The following NRXN1 variants were observed in gnomAD, a reference collection of about 807,000 sequenced individuals.
NRXN1 encodes neurexin-1.
In NRXN1, 39 loss-of-function variants were observed where a neutral mutation model predicts 150.9. The ratio of observed to expected loss-of-function variants is 0.26; its 90% CI spans 0.20 to 0.34. The LOEUF (loss-of-function observed/expected upper bound fraction) is 0.34, where lower values mean the gene tolerates loss of function less well. NRXN1 is among the 10% of genes least tolerant of loss of function. The probability of loss-of-function intolerance (pLI) is 1.00; values close to 1 mark genes in which losing one functional copy is unlikely to be tolerated. For synonymous variants in NRXN1, 924 were observed against 757.0 expected (o/e 1.22, Z -3.62); for missense variants, 1,815 against 1,949.9 (o/e 0.93, Z 1.30).
intron 5 of NRXN1, among the ~76,000 whole-genome samples, chr2:50,782,212 A>AGG (rs1471775127): frequency 2.6e-5 from 4 of 152,028 alleles, no homozygotes; most frequent in South Asian, 2.1e-4. Flanking sequence ...TTTTAAAAAA[A>AGG]GGATGATACA....
chr2:50,350,376 G>A (rs975760828), intron 17 of NRXN1, among the ~76,000 whole-genome samples: 5 of 152,074 alleles, frequency 3.3e-5, no homozygotes, highest in Non-Finnish European at 4.4e-5. Context: ...AGTCACCAAC[G>A]TAAAACACAA....
At chr2:50,316,670 G>C (rs1223939098) in intron 17 of NRXN1, among the ~76,000 whole-genome samples, 1 of 152,044 alleles carries the variant, frequency 6.6e-6, no homozygotes, top group Non-Finnish European at 1.5e-5. Flanking sequence ...AAATCTGCTG[G>C]AGATAGTAAG....
chr2:50,712,451 T>A (rs1181080389), intron 5 of NRXN1, among the ~76,000 whole-genome samples: 2 of 152,218 alleles, frequency 1.3e-5, no homozygotes, highest in African/African-American at 2.4e-5. Context: ...GCTCAGACTC[T>A]TGCCCAGTGG....
intron 17 of NRXN1, among the ~76,000 whole-genome samples, chr2:50,350,283 A>C (rs191851081): frequency 4.3e-4 from 65 of 152,218 alleles, no homozygotes; most frequent in African/African-American, 1.5e-3. Context: ...TATTTTCTCC[A>C]TAAGGCACAT....
intron 21 of NRXN1, among the ~76,000 whole-genome samples, chr2:49,968,323 TTAATGAA>T (rs1677315863): frequency 6.6e-6 from 1 of 152,132 alleles, no homozygotes; most frequent in South Asian, 2.1e-4. Context: ...ATGGCTAATT[TTAATGAA>T]TAAAGAGAAT....
intron 17 of NRXN1, among the ~76,000 whole-genome samples, chr2:50,373,705 AAGAAAG>A (rs2080271575): frequency 2.0e-4 from 27 of 137,882 alleles, no homozygotes; most frequent in East Asian, 2.6e-4. Context: ...GAAAGAAAGA[AAGAAAG>A]AGAAAGAAAG....
chr2:50,433,563 A>ATT (rs11383115), intron 17 of NRXN1, among the ~76,000 whole-genome samples: 2,428 of 144,564 alleles, frequency 0.017, 62 homozygotes, highest in African/African-American at 0.055. Context: ...GGAGGTAATA[A>ATT]TTTTTTTTTT....
chr2:50,914,467 G>T (rs1197235223), intron 5 of NRXN1, among the ~76,000 whole-genome samples: 1 of 151,610 alleles, frequency 6.6e-6, no homozygotes, highest in Non-Finnish European at 1.5e-5. Flanking sequence ...TAGACACAGA[G>T]ACATGCAAAG....
chr2:50,837,980 T>C (rs190723694), intron 5 of NRXN1, among the ~76,000 whole-genome samples: 1 of 152,256 alleles, frequency 6.6e-6, no homozygotes, highest in Non-Finnish European at 1.5e-5. Context: ...ATATTCTGCA[T>C]TGCTGGCCTC....
At chr2:50,144,435 G>T (rs1412781410) in intron 18 of NRXN1, among the ~76,000 whole-genome samples, 1 of 151,706 alleles carries the variant, frequency 6.6e-6, no homozygotes, top group Non-Finnish European at 1.5e-5. Flanking sequence ...CAGAAAGCTA[G>T]GGGGGAGAAA....
intron 2 of NRXN1, among the ~76,000 whole-genome samples, chr2:51,005,532 T>C (rs996067887): frequency 2.6e-5 from 4 of 151,920 alleles, no homozygotes; most frequent in African/African-American, 9.7e-5. Flanking sequence ...GAGAATGGCC[T>C]TGCAAGAAAT....
chr2:50,097,641 AC>A (rs897930544), intron 18 of NRXN1, among the ~76,000 whole-genome samples: 22 of 148,512 alleles, frequency 1.5e-4, no homozygotes, highest in Admixed American at 9.4e-4. Context: ...TAGCCCAAAC[AC>A]TTTTTTTTTT....
At chr2:50,964,057 G>A in intron 2 of NRXN1, 1 of 393,896 alleles carries the variant, frequency 2.5e-6, no homozygotes, top group Non-Finnish European at 5.0e-6. Context: ...AATATGAAAT[G>A]AAGGTATTAA....
chr2:50,543,047 C>A lies in NRXN1; in HGVS notation c.1760-4411G>T, dbSNP rs11125316. Among the ~76,000 whole-genome samples the A allele has an allele frequency of 7.9e-5, 12 of 151,906 alleles. No homozygotes were observed. The South Asian group carries it at 2.1e-3, about 26-fold the overall frequency. On this transcript the variant is annotated intron_variant, in intron 9 of 22. Coordinates refer to ENST00000401669, the MANE Select transcript of NRXN1 (RefSeq NM_001330078.2). The stretch of plus-strand genomic sequence containing the variant: ...AAGACAATTGAGTAGTTGCCAAACT[C>A]TATATATCAATGGAAAAGGAGAATT...
rs6717906 is a variant in NRXN1 at position 50,310,202 on chromosome 2, T to G, written c.3365-73232A>C. Among the ~76,000 whole-genome samples the G allele has an allele frequency of 9.5e-3, 1,449 of 152,310 alleles. 27 individuals carry two copies. The highest frequency in any genetic ancestry group is 0.033 in the African/African-American group (1,362 of 41,570). On this transcript the variant is annotated intron_variant, in intron 17 of 22. Transcript: ENST00000401669. ...AGCTTACACTGCTCATAGATTATTT[T>G]GATCAAAATTGTTATTGCTCACTTC...
intron 2 of NRXN1, among the ~76,000 whole-genome samples, chr2:50,981,896 T>A (rs184403330): frequency 1.5e-3 from 235 of 151,666 alleles, no homozygotes; most frequent in Middle Eastern, 3.4e-3. Flanking sequence ...TGAAAAAAAA[T>A]TTTCACAATG....
chr2:50,725,177 C>T (rs957225872), intron 5 of NRXN1, among the ~76,000 whole-genome samples: 1 of 151,710 alleles, frequency 6.6e-6, no homozygotes, highest in Non-Finnish European at 1.5e-5. Flanking sequence ...TCGATGTGAC[C>T]TTGGCCTTGT....
chr2:49,944,229 G>C (rs948042296), intron 21 of NRXN1, among the ~76,000 whole-genome samples: 2 of 152,178 alleles, frequency 1.3e-5, no homozygotes, highest in Admixed American at 1.3e-4. Context: ...CGACTATGTA[G>C]AGTTTGATGA....
intron 17 of NRXN1, among the ~76,000 whole-genome samples, chr2:50,413,890 G>C (rs953944993): frequency 5.3e-5 from 8 of 152,050 alleles, no homozygotes; most frequent in Non-Finnish European, 1.0e-4. Context: ...AACACAGATG[G>C]AACTGGGCAT....
Sources: gnomAD v4.1 joint callset for allele counts (sites outside exome capture counted in the v4.1 genomes callset) on GRCh38, gnomAD v4.1.1 for gene constraint, MANE v1.5 for transcripts, NCBI Gene and HGNC (gene_info 2026-07-23, HGNC 2026-07-21) for gene names.